RANBP9: variants seen among roughly 807,000 people sequenced by gnomAD.
RANBP9 encodes ran-binding protein 9.
RANBP9 carries 15 observed loss-of-function variants against 84.3 expected under a neutral mutation model. That is an observed-to-expected ratio of 0.18 (90% CI 0.12 to 0.27). The LOEUF is 0.27. Among genes scored for constraint, RANBP9 ranks in the 10% least tolerant of loss-of-function variants. The pLI, the probability that RANBP9 is intolerant of heterozygous loss-of-function variation, is 1.00. For synonymous variants in RANBP9, 392 were observed against 349.6 expected (o/e 1.12, Z -1.35); for missense variants, 809 against 912.8 (o/e 0.89, Z 1.46).
intron 2 of RANBP9, among the ~76,000 whole-genome samples, chr6:13,666,688 G>A (rs999112393): frequency 6.7e-6 from 1 of 150,304 alleles, no homozygotes; most frequent in Non-Finnish European, 1.5e-5. Context: ...ACTTGAGCCT[G>A]AGAGGTCGAG....
At chr6:13,703,370 C>G (rs1286440671) in intron 1 of RANBP9, among the ~76,000 whole-genome samples, 2 of 152,210 alleles carry the variant, frequency 1.3e-5, no homozygotes, top group African/African-American at 2.4e-5. Context: ...ACTCCTAAAT[C>G]AGTCACGACC....
chr6:13,632,707 C>T (rs911894617), intron 11 of RANBP9, 186 bp from the exon 12 acceptor site: 1 of 593,666 alleles, frequency 1.7e-6, no homozygotes, highest in African/African-American at 1.9e-5. Context: ...CTTTATTTAG[C>T]TCTCAAGAGT....
intron 13 of RANBP9, 60 bp downstream of exon 13, chr6:13,625,593 A>G: frequency 1.6e-6 from 2 of 1,218,710 alleles, no homozygotes; most frequent in Non-Finnish European, 2.4e-6. Flanking sequence ...CAGTACAAAC[A>G]CCCTCTCTTA....
intron 11 of RANBP9, among the ~76,000 whole-genome samples, chr6:13,634,059 GA>G (rs11355638): frequency 0.78 from 118,488 of 151,922 alleles, 46,466 homozygotes; most frequent in South Asian, 0.84. Context: ...ATACTGATTA[GA>G]AATTTGTAAA....
intron 1 of RANBP9, among the ~76,000 whole-genome samples, chr6:13,698,587 G>A (rs1209719233): frequency 1.3e-5 from 2 of 151,940 alleles, no homozygotes; most frequent in Non-Finnish European, 2.9e-5. Context: ...TTTTTTAAGG[G>A]GAGTGACCCA....
chr6:13,632,740 C>G, intron 11 of RANBP9: 1 of 464,514 alleles, frequency 2.2e-6, no homozygotes, highest in Non-Finnish European at 3.8e-6. Context: ...ATTCAGCATG[C>G]AGTTGAGAGG....
At chr6:13,667,513 A>G (rs139610321) in intron 2 of RANBP9, among the ~76,000 whole-genome samples, 1 of 152,332 alleles carries the variant, frequency 6.6e-6, no homozygotes, top group Non-Finnish European at 1.5e-5. Flanking sequence ...GTTTCGGTCA[A>G]CAACAGACCG....
intron 10 of RANBP9, among the ~76,000 whole-genome samples, chr6:13,634,810 T>C (rs1365523762): frequency 6.6e-6 from 1 of 152,196 alleles, no homozygotes; most frequent in Non-Finnish European, 1.5e-5. Context: ...TGACTTTACA[T>C]CAATATGGAG....
At chr6:13,647,731 C>G (rs190047186) in intron 5 of RANBP9, among the ~76,000 whole-genome samples, 1 of 152,074 alleles carries the variant, frequency 6.6e-6, no homozygotes, top group Admixed American at 6.6e-5. Flanking sequence ...GTATTTAATA[C>G]TATACATTAC....
chr6:13,654,732 G>C (rs1765363233), intron 4 of RANBP9, among the ~76,000 whole-genome samples: 1 of 152,186 alleles, frequency 6.6e-6, no homozygotes, highest in South Asian at 2.1e-4. Flanking sequence ...AGTAGGTGTG[G>C]CTGGTTGCTA....
intron 1 of RANBP9, among the ~76,000 whole-genome samples, chr6:13,704,177 A>G (rs1031557243): frequency 6.6e-6 from 1 of 152,198 alleles, no homozygotes; most frequent in African/African-American, 2.4e-5. Flanking sequence ...AAATGAATTT[A>G]CTATTCCCAC....
intron 2 of RANBP9, among the ~76,000 whole-genome samples, chr6:13,689,972 C>T (rs1248954775): frequency 6.6e-6 from 1 of 152,000 alleles, no homozygotes; most frequent in African/African-American, 2.4e-5. Flanking sequence ...TTGGACAGAC[C>T]AGGTATGTAG....
rs1326247952 is a variant in RANBP9 at position 13,711,280 on chromosome 6, G to A, written c.226C>T (p.Pro76Ser). ...GGCGGCGGGGCCGCGGTGGCCGGGG[G>A]CGGCGGCGGCGGAGGGTGGAGGAGC... ...ALLLHPPPPP[P>S]PATAAPPPPP... The change falls in exon 1 of 14, where the codon CCC becomes TCC. Residue 76 changes from proline to serine, a missense_variant. Coordinates refer to ENST00000011619, the MANE Select transcript of RANBP9 (RefSeq NM_005493.3). 5 of 988,582 alleles carry A rather than the reference G, an allele frequency of 5.1e-6. No homozygotes were observed. The highest frequency in any genetic ancestry group is 6.1e-5 in the Admixed American group (1 of 16,276). The allele number at this position is 988,582 out of a possible 1,614,324, so 61.2% of individuals were successfully genotyped here. A position where few individuals can be genotyped will look rare whatever the true frequency, so the allele number is the denominator to read the frequency against.
intron 2 of RANBP9, among the ~76,000 whole-genome samples, chr6:13,679,242 A>G (rs1765973343): frequency 6.6e-6 from 1 of 152,162 alleles, no homozygotes; most frequent in Admixed American, 6.6e-5. Context: ...CTTCAGCTGC[A>G]TCTTTCTCCC....
At chr6:13,682,872 C>T (rs1469622537) in intron 2 of RANBP9, among the ~76,000 whole-genome samples, 1 of 152,176 alleles carries the variant, frequency 6.6e-6, no homozygotes, top group Non-Finnish European at 1.5e-5. Context: ...CTCATGAACT[C>T]ACTTTGAAAT....
intron 1 of RANBP9, among the ~76,000 whole-genome samples, chr6:13,702,108 G>A (rs963364764): frequency 6.6e-6 from 1 of 152,218 alleles, no homozygotes; most frequent in Non-Finnish European, 1.5e-5. Flanking sequence ...ATCATTGTCA[G>A]TAATGTACCA....
At position 13,711,674 on chromosome 6, in the gene RANBP9, A is replaced by G. The variant is rs1460123157; in HGVS notation, c.-169T>C. On this transcript the variant is annotated 5_prime_UTR_variant, in exon 1 of 14. Transcript: ENST00000011619. ...AGACCGCGGCGGTTGAGGAGCTCGG[A>G]GACGCGGGAGTAGGCGGCGGGCCCG... 3 of 450,444 alleles carry G rather than the reference A, an allele frequency of 6.7e-6. No homozygotes were observed. Among genetic ancestry groups the G allele is most frequent in the Non-Finnish European group, 1.0e-5 (3 of 298,856 alleles). The allele number at this position is 450,444 out of a possible 1,614,324, so 27.9% of individuals were successfully genotyped here.
At chr6:13,704,433 G>T (rs1368189141) in intron 1 of RANBP9, among the ~76,000 whole-genome samples, 1 of 152,122 alleles carries the variant, frequency 6.6e-6, no homozygotes, top group Non-Finnish European at 1.5e-5. Flanking sequence ...TTCGAGACCA[G>T]CCTGGGCAAC....
chr6:13,629,921 C>CTCGTGTGT (rs1554221305), intron 12 of RANBP9, among the ~76,000 whole-genome samples: 134 of 128,420 alleles, frequency 1.0e-3, no homozygotes, highest in African/African-American at 2.6e-3. Context: ...CTCTCTCTCT[C>CTCGTGTGT]GTGTGTGTGT....
Sources: allele counts gnomAD v4.1 joint callset (sites outside exome capture counted in the v4.1 genomes callset), GRCh38; gene constraint gnomAD v4.1.1; transcripts MANE v1.5; gene names NCBI Gene and HGNC (gene_info 2026-07-23, HGNC 2026-07-21).